The following CNTN4 variants were observed in gnomAD, a reference collection of about 807,000 sequenced individuals.
CNTN4 encodes the protein contactin 4.
CNTN4 carries 77 observed loss-of-function variants against 122.5 expected under a neutral mutation model. The observed-to-expected ratio is 0.63, with a 90% CI of 0.52 to 0.76. CNTN4 has a LOEUF of 0.76. Ranked by LOEUF, CNTN4 falls within the 30% of genes least tolerant of loss-of-function variation. The probability of loss-of-function intolerance (pLI) is 0.00; values close to 1 mark genes in which losing one functional copy is unlikely to be tolerated. For missense variants in CNTN4, 1,256 were observed against 1,259.1 expected (o/e 1.00, Z 0.04); for synonymous variants, 512 against 447.0 (o/e 1.15, Z -1.83).
intron 13 of CNTN4, among the ~76,000 whole-genome samples, chr3:2,947,742 A>G (rs923641019): frequency 1.3e-5 from 2 of 152,186 alleles, no homozygotes; most frequent in Non-Finnish European, 2.9e-5. Context: ...CCAGATCCCT[A>G]TCTCTTCCAT....
chr3:2,805,528 A>C (rs780471135), intron 6 of CNTN4, among the ~76,000 whole-genome samples: 1 of 152,172 alleles, frequency 6.6e-6, no homozygotes, highest in Non-Finnish European at 1.5e-5. Flanking sequence ...GAGTAGTCTC[A>C]ATATTGATAG....
At chr3:2,596,095 G>A (rs548533105) in intron 4 of CNTN4, among the ~76,000 whole-genome samples, 1 of 152,252 alleles carries the variant, frequency 6.6e-6, no homozygotes, top group East Asian at 1.9e-4. Flanking sequence ...TTAATTAAAA[G>A]CAATGAATGA....
At chr3:2,207,652 C>G (rs918737024) in intron 2 of CNTN4, among the ~76,000 whole-genome samples, 14 of 152,006 alleles carry the variant, frequency 9.2e-5, no homozygotes, top group African/African-American at 2.9e-4. Context: ...GAGGTTGGTT[C>G]AGAAGTTTAA....
chr3:2,247,612 A>T (rs1436121688), intron 2 of CNTN4, among the ~76,000 whole-genome samples: 1 of 152,000 alleles, frequency 6.6e-6, no homozygotes, highest in Non-Finnish European at 1.5e-5. Flanking sequence ...GAAAATTGCT[A>T]AGGACTGTAT....
At chr3:2,313,318 A>G (rs1010994223) in intron 2 of CNTN4, among the ~76,000 whole-genome samples, 3 of 152,018 alleles carry the variant, frequency 2.0e-5, no homozygotes, top group Non-Finnish European at 4.4e-5. Flanking sequence ...TAATATTTTT[A>G]TCAATGCAAA....
chr3:2,168,537 C>T lies in CNTN4; in HGVS notation c.-145+67898C>T, dbSNP rs1406930035. Among the ~76,000 whole-genome samples the T allele has an allele frequency of 4.6e-5, 7 of 151,422 alleles. 1 individual carries two copies. In the South Asian group the frequency reaches 1.0e-3, roughly 23 times the overall value. ...AATTAAGTAATCTAAACATTTAACT[C>T]GAGAGGCTAGAAAATGACATTATAA... On this transcript the variant is annotated intron_variant, in intron 2 of 24. Transcript: ENST00000418658.
chr3:2,789,478 G>A (rs981346121), intron 6 of CNTN4, among the ~76,000 whole-genome samples: 3 of 152,190 alleles, frequency 2.0e-5, no homozygotes, highest in African/African-American at 7.2e-5. Flanking sequence ...TATTGCCCAG[G>A]CTGGAGTGCA....
intron 10 of CNTN4, among the ~76,000 whole-genome samples, chr3:2,888,421 A>T (rs1349499921): frequency 6.6e-6 from 1 of 152,052 alleles, no homozygotes; most frequent in African/African-American, 2.4e-5. Flanking sequence ...TTTTTGCCTG[A>T]TAAGAGACCA....
At chr3:2,166,037 G>C (rs1398624608) in intron 2 of CNTN4, among the ~76,000 whole-genome samples, 1 of 152,096 alleles carries the variant, frequency 6.6e-6, no homozygotes, top group African/African-American at 2.4e-5. Flanking sequence ...CTCTTCGAGA[G>C]AGCTATTTTA....
At chr3:2,483,600 G>A (rs1016811639) in intron 3 of CNTN4, among the ~76,000 whole-genome samples, 2 of 152,130 alleles carry the variant, frequency 1.3e-5, no homozygotes, top group African/African-American at 2.4e-5. Context: ...GGGACCCCTT[G>A]GGAGGTAATT....
intron 3 of CNTN4, among the ~76,000 whole-genome samples, chr3:2,455,313 G>T (rs182357268): frequency 6.6e-6 from 1 of 152,170 alleles, no homozygotes; most frequent in Admixed American, 6.6e-5. Context: ...TGTTCTGAAG[G>T]CTACGACAAG....
chr3:3,016,272 G>A (rs935636464), intron 14 of CNTN4, among the ~76,000 whole-genome samples: 1 of 152,090 alleles, frequency 6.6e-6, no homozygotes. Flanking sequence ...CGTAAAGAAA[G>A]CTTCAAAAAG....
chr3:2,649,906 A>G (rs2083287591), intron 4 of CNTN4, among the ~76,000 whole-genome samples: 1 of 151,730 alleles, frequency 6.6e-6, no homozygotes, highest in Non-Finnish European at 1.5e-5. Flanking sequence ...AGGCAGGCGG[A>G]TCACTTGAGG....
At chr3:2,788,079 T>C (rs2149940336) in intron 6 of CNTN4, among the ~76,000 whole-genome samples, 1 of 152,248 alleles carries the variant, frequency 6.6e-6, no homozygotes, top group East Asian at 1.9e-4. Flanking sequence ...GCCCGGCCTA[T>C]AGTATTAATA....
chr3:2,542,334 T>C (rs2078066076), intron 3 of CNTN4, among the ~76,000 whole-genome samples: 1 of 152,104 alleles, frequency 6.6e-6, no homozygotes. Context: ...AGGACTTCCA[T>C]GGACTCAGGT....
intron 13 of CNTN4, among the ~76,000 whole-genome samples, chr3:2,962,961 G>T (rs1276698125): frequency 6.6e-6 from 1 of 152,096 alleles, no homozygotes; most frequent in Non-Finnish European, 1.5e-5. Context: ...TCAAATGGTG[G>T]TGCCTTGTAG....
intron 10 of CNTN4, among the ~76,000 whole-genome samples, chr3:2,895,068 C>T (rs934484536): frequency 1.3e-5 from 2 of 152,106 alleles, no homozygotes; most frequent in African/African-American, 4.8e-5. Context: ...GGTACGATCT[C>T]AGCTCACCGT....
chr3:2,370,789 T>C (rs1428955633), intron 3 of CNTN4, among the ~76,000 whole-genome samples: 1 of 152,168 alleles, frequency 6.6e-6, no homozygotes. Flanking sequence ...CCAATTTCTA[T>C]CAACCAGAAG....
intron 2 of CNTN4, among the ~76,000 whole-genome samples, chr3:2,150,820 G>T (rs1459866148): frequency 6.6e-6 from 1 of 152,288 alleles, no homozygotes; most frequent in East Asian, 1.9e-4. Context: ...TGTTCCCTCT[G>T]TTTAATTTCT....
Sources: gnomAD v4.1 joint callset for allele counts (sites outside exome capture counted in the v4.1 genomes callset) on GRCh38, gnomAD v4.1.1 for gene constraint, MANE v1.5 for transcripts, NCBI Gene and HGNC (gene_info 2026-07-23, HGNC 2026-07-21) for gene names.